IL1RAPL2: variants seen among roughly 807,000 people sequenced by gnomAD.
IL1RAPL2 encodes interleukin 1 receptor accessory protein like 2.
A neutral mutation model predicts 44.1 loss-of-function variants in IL1RAPL2; 3 were observed. That is an observed-to-expected ratio of 0.07 (90% CI 0.03 to 0.18). IL1RAPL2 has a LOEUF of 0.18. IL1RAPL2 is among the 10% of genes least tolerant of loss of function. The pLI is 1.00. For missense variants in IL1RAPL2, 391 were observed against 496.4 expected, an observed-to-expected ratio of 0.79 and a Z score of 2.02; for synonymous variants, 181 against 178.8, an observed-to-expected ratio of 1.01 and a Z score of -0.10.
intron 5 of IL1RAPL2, among the ~76,000 whole-genome samples, chrX:105,457,033 TAC>T (rs58305468): frequency 0.084 from 7,112 of 85,092 alleles, 267 homozygotes; most frequent in Non-Finnish European, 0.1. Context: ...TCTAAAGTTA[TAC>T]ACACACACAC....
intron 3 of IL1RAPL2, among the ~76,000 whole-genome samples, chrX:105,230,623 A>T (rs2034061161): frequency 9.1e-6 from 1 of 110,206 alleles, no homozygotes; most frequent in Non-Finnish European, 1.9e-5. Context: ...TGTATTAGGT[A>T]TTTTACATAC....
intron 3 of IL1RAPL2, among the ~76,000 whole-genome samples, chrX:105,227,188 T>A (rs1556190160): frequency 9.1e-6 from 1 of 110,220 alleles, no homozygotes; most frequent in Admixed American, 9.7e-5. Context: ...AACCTGCACA[T>A]TGTGCACATG....
chrX:105,041,829 C>A (rs986919653), intron 2 of IL1RAPL2, among the ~76,000 whole-genome samples: 4 of 110,628 alleles, frequency 3.6e-5, no homozygotes, highest in Non-Finnish European at 7.6e-5. Flanking sequence ...TCAAACTATA[C>A]TACAAGGCTA....
intron 5 of IL1RAPL2, among the ~76,000 whole-genome samples, chrX:105,447,451 A>C (rs1243977044): frequency 1.3e-5 from 1 of 74,341 alleles, no homozygotes; most frequent in Non-Finnish European, 2.2e-5. Flanking sequence ...ATATAAATAT[A>C]AATAAACATA....
intron 2 of IL1RAPL2, among the ~76,000 whole-genome samples, chrX:104,789,080 T>C (rs1932813100): frequency 8.9e-6 from 1 of 112,527 alleles, no homozygotes; most frequent in Admixed American, 9.4e-5. Context: ...TAGACACCTT[T>C]TCCAATCTCA....
intron 1 of IL1RAPL2, among the ~76,000 whole-genome samples, chrX:104,627,888 G>C (rs1929546812): frequency 1.8e-5 from 2 of 110,835 alleles, no homozygotes; most frequent in African/African-American, 6.6e-5. Flanking sequence ...ATCTAGAACT[G>C]TGATTTTGAT....
At chrX:104,875,551 A>T (rs1012417834) in intron 2 of IL1RAPL2, among the ~76,000 whole-genome samples, 3 of 111,664 alleles carry the variant, frequency 2.7e-5, no homozygotes, top group Non-Finnish European at 3.8e-5. Context: ...CTAGGACAAG[A>T]TCCACATCTT....
chrX:104,714,677 G>A (rs1931523149), intron 2 of IL1RAPL2, among the ~76,000 whole-genome samples: 1 of 111,443 alleles, frequency 9.0e-6, no homozygotes, highest in South Asian at 3.7e-4. Flanking sequence ...TTTATTGAAA[G>A]TTTTTAACAT....
chrX:104,695,595 A>G (rs370231125), intron 2 of IL1RAPL2, among the ~76,000 whole-genome samples: 2 of 44,387 alleles, frequency 4.5e-5, no homozygotes, highest in East Asian at 1.9e-3. Flanking sequence ...CATGAGTAGT[A>G]GCCAGGTGGG....
At chrX:105,326,745 T>C (rs2034942490) in intron 5 of IL1RAPL2, among the ~76,000 whole-genome samples, 1 of 111,827 alleles carries the variant, frequency 8.9e-6, no homozygotes, top group Non-Finnish European at 1.9e-5. Context: ...CGTCTATCCT[T>C]ATGCCAATAC....
At chrX:105,136,386 C>T (rs1036973345) in intron 2 of IL1RAPL2, among the ~76,000 whole-genome samples, 1 of 111,783 alleles carries the variant, frequency 8.9e-6, no homozygotes, top group Non-Finnish European at 1.9e-5. Flanking sequence ...TGGACAGTTG[C>T]GAAAGGATGC....
chrX:104,946,379 C>CATAAAAAA (rs1925354552), intron 2 of IL1RAPL2, among the ~76,000 whole-genome samples: 1 of 9,140 alleles, frequency 1.1e-4, no homozygotes, highest in Non-Finnish European at 1.6e-4. Flanking sequence ...GACTCCGTCT[C>CATAAAAAA]AAAAAAAAAA....
intron 6 of IL1RAPL2, among the ~76,000 whole-genome samples, chrX:105,705,256 G>A (rs1339573345): frequency 2.7e-5 from 3 of 110,741 alleles, no homozygotes; most frequent in Non-Finnish European, 5.7e-5. Context: ...ATCTGTACTA[G>A]TAGATATATA....
At chrX:104,674,342 A>G (rs912721730) in intron 2 of IL1RAPL2, among the ~76,000 whole-genome samples, 3 of 112,002 alleles carry the variant, frequency 2.7e-5, no homozygotes, top group Non-Finnish European at 5.6e-5. Flanking sequence ...CTTTTTCTGC[A>G]TCTATTGAGA....
intron 5 of IL1RAPL2, among the ~76,000 whole-genome samples, chrX:105,315,654 T>G (rs2034834924): frequency 1.2e-5 from 1 of 86,899 alleles, no homozygotes; most frequent in Admixed American, 1.5e-4. Context: ...GTAGGCTGTC[T>G]GCAAGCTTGA....
chrX:104,960,420 A>T (rs1259408151), intron 2 of IL1RAPL2, among the ~76,000 whole-genome samples: 2 of 112,002 alleles, frequency 1.8e-5, no homozygotes, highest in East Asian at 5.6e-4. Flanking sequence ...TCCTTTGACT[A>T]AATGCTATGC....
chrX:105,535,837 T>C, intron 6 of IL1RAPL2, among the ~76,000 whole-genome samples: 1 of 111,633 alleles, frequency 9.0e-6, no homozygotes, highest in Middle Eastern at 4.6e-3. Flanking sequence ...GTGATAGAAC[T>C]CTTCTTATCC....
intron 3 of IL1RAPL2, among the ~76,000 whole-genome samples, chrX:105,198,568 C>A (rs1184143929): frequency 8.9e-6 from 1 of 112,051 alleles, no homozygotes; most frequent in Non-Finnish European, 1.9e-5. Flanking sequence ...ATTAATGAAC[C>A]AATAGTGGTA....
In IL1RAPL2 at chrX:104,763,816, C is replaced by T. The variant is rs573541377; in HGVS notation, c.82+104821C>T. On this transcript the variant is annotated intron_variant, in intron 2 of 10. Coordinates refer to ENST00000372582, the MANE Select transcript of IL1RAPL2 (RefSeq NM_017416.2). Reference sequence around the variant, plus strand: ...TTACCTCCCCCTGGGTCCCTCCTCCCATGACACGTGGGGATTATGAGAACT... The same window carrying T: ...TTACCTCCCCCTGGGTCCCTCCTCCTATGACACGTGGGGATTATGAGAACT... Among the ~76,000 whole-genome samples the T allele has an allele frequency of 1.4e-3, 157 of 111,274 alleles. 1 individual carries two copies. The highest frequency in any genetic ancestry group is 4.7e-3 in the African/African-American group (145 of 30,584).
Sources: gnomAD v4.1 joint callset for allele counts (sites outside exome capture counted in the v4.1 genomes callset) on GRCh38, gnomAD v4.1.1 for gene constraint, MANE v1.5 for transcripts, NCBI Gene and HGNC (gene_info 2026-07-23, HGNC 2026-07-21) for gene names.